The following ADAMTSL1 variants were observed in gnomAD, a reference collection of about 807,000 sequenced individuals.
ADAMTSL1 encodes ADAMTS-like protein 1.
In ADAMTSL1, 126 loss-of-function variants were observed where a neutral mutation model predicts 201.8. That is an observed-to-expected ratio of 0.62 (90% CI 0.54 to 0.72). The LOEUF is 0.72. ADAMTSL1 is among the 30% of genes least tolerant of loss of function. The pLI is 0.00. For synonymous variants in ADAMTSL1, 1,121 were observed against 903.4 expected (o/e 1.24, Z -4.32); for missense variants, 2,679 against 2,277.8 (o/e 1.18, Z -3.59).
At chr9:18,141,555 G>C (rs1255904102) in intron 1 of ADAMTSL1, among the ~76,000 whole-genome samples, 4 of 152,164 alleles carry the variant, frequency 2.6e-5, no homozygotes, top group African/African-American at 9.7e-5. Flanking sequence ...CAGCACAGAG[G>C]TGTCTAGCAC....
At chr9:18,885,869 C>G (rs1193247929) in intron 23 of ADAMTSL1, among the ~76,000 whole-genome samples, 1 of 152,052 alleles carries the variant, frequency 6.6e-6, no homozygotes, top group Middle Eastern at 3.2e-3. Flanking sequence ...GCCTGCCGCA[C>G]AATCTCAGGA....
chr9:18,041,200 C>T (rs1264996714), intron 1 of ADAMTSL1, among the ~76,000 whole-genome samples: 1 of 152,188 alleles, frequency 6.6e-6, no homozygotes, highest in Non-Finnish European at 1.5e-5. Flanking sequence ...CTCATCATCA[C>T]TCTGTAAAGC....
At position 18,721,598 on chromosome 9, in the gene ADAMTSL1, C is replaced by T; in HGVS notation, c.1939C>T (p.Leu647=). 2 of 1,613,990 alleles carry T rather than the reference C, an allele frequency of 1.2e-6. No homozygotes were observed. The highest frequency in any genetic ancestry group is 1.7e-6 in the Non-Finnish European group (2 of 1,179,880). Residue 647 remains leucine (L), a synonymous_variant, in exon 15 of 29, where the codon CTG becomes TTG. Transcript: ENST00000380548. ...GACTCGGGAGCCTGCTGAGGAGAAC[C>T]TGTGCGTGACCAGCCGCCGGCCCCC... ...KQTREPAEEN[L]CVTSRRPPQL... is the part of the protein sequence containing the mutation.
At chr9:18,379,397 T>A (rs575989957) in intron 2 of ADAMTSL1, among the ~76,000 whole-genome samples, 142 of 152,068 alleles carry the variant, frequency 9.3e-4, no homozygotes, top group Non-Finnish European at 1.8e-3. Flanking sequence ...AGCAGTCAGC[T>A]TTTTTTTCCC....
chr9:18,493,997 G>T (rs1822395129), intron 1 of ADAMTSL1, among the ~76,000 whole-genome samples: 3 of 152,214 alleles, frequency 2.0e-5, no homozygotes, highest in African/African-American at 7.2e-5. Flanking sequence ...GTGTAAACAA[G>T]TAACTATACT....
At chr9:18,022,535 G>A (rs771188144) in intron 1 of ADAMTSL1, among the ~76,000 whole-genome samples, 4 of 151,524 alleles carry the variant, frequency 2.6e-5, no homozygotes, top group Non-Finnish European at 4.4e-5. Context: ...TAAAGAAAAC[G>A]TAATGTTATT....
intron 1 of ADAMTSL1, among the ~76,000 whole-genome samples, chr9:17,940,099 T>A (rs1483145760): frequency 2.0e-5 from 3 of 152,100 alleles, no homozygotes; most frequent in Non-Finnish European, 4.4e-5. Flanking sequence ...TAACAAGACA[T>A]AGTCAGGTGG....
chr9:18,463,437 G>A (rs762740288), intron 2 of ADAMTSL1, among the ~76,000 whole-genome samples: 19 of 151,928 alleles, frequency 1.3e-4, no homozygotes, highest in Non-Finnish European at 2.1e-4. Context: ...TAGTACTGTG[G>A]CATTAAGTAT....
chr9:18,545,785 G>C (rs547338585), intron 3 of ADAMTSL1, among the ~76,000 whole-genome samples: 12 of 152,312 alleles, frequency 7.9e-5, no homozygotes, highest in Middle Eastern at 3.4e-3. Flanking sequence ...AATTTAGAAA[G>C]AAATTACTAC....
chr9:18,185,371 A>G (rs11787635), intron 2 of ADAMTSL1, among the ~76,000 whole-genome samples: 52,708 of 151,956 alleles, frequency 0.35, 9,281 homozygotes, highest in Admixed American at 0.42. Context: ...ACTAAGAAGT[A>G]AACACTTCCC....
At chr9:18,661,207 G>C (rs934934685) in intron 8 of ADAMTSL1, among the ~76,000 whole-genome samples, 6 of 152,092 alleles carry the variant, frequency 3.9e-5, no homozygotes, top group Admixed American at 3.3e-4. Flanking sequence ...TTTAAGAGAG[G>C]CTTCTTTAAA....
At chr9:18,318,502 G>T (rs150468957) in intron 2 of ADAMTSL1, among the ~76,000 whole-genome samples, 4 of 152,284 alleles carry the variant, frequency 2.6e-5, no homozygotes, top group Admixed American at 6.5e-5. Flanking sequence ...GACACTGAAG[G>T]TTACAAGATA....
intron 2 of ADAMTSL1, among the ~76,000 whole-genome samples, chr9:18,177,013 C>T (rs879575755): frequency 6.6e-6 from 1 of 152,292 alleles, no homozygotes; most frequent in Non-Finnish European, 1.5e-5. Flanking sequence ...ATTATATTCC[C>T]ACATAGGGCT....
intron 23 of ADAMTSL1, among the ~76,000 whole-genome samples, chr9:18,840,608 T>A (rs932026530): frequency 2.0e-5 from 3 of 152,332 alleles, no homozygotes; most frequent in Non-Finnish European, 2.9e-5. Context: ...TGGCATTGAA[T>A]CTATAAATTA....
At chr9:18,187,825 G>C (rs1421549441) in intron 2 of ADAMTSL1, among the ~76,000 whole-genome samples, 1 of 152,080 alleles carries the variant, frequency 6.6e-6, no homozygotes, top group Non-Finnish European at 1.5e-5. Flanking sequence ...CTAATTCAGA[G>C]ACATATTTTA....
In ADAMTSL1 at chr9:18,886,203, TATATATATAC is replaced by T. The variant is rs1563888262; in HGVS notation, c.4250-1626_4250-1617del. ...ATATATATATATATATATATATATA[TATATATATAC>T]ACACACATACATATACATACATACA... On this transcript the variant is annotated intron_variant, in intron 23 of 28. Transcript: ENST00000380548. Among the ~76,000 whole-genome samples, 537 of 126,424 alleles carry T rather than the reference TATATATATAC, an allele frequency of 4.2e-3. 7 individuals are homozygous for T. Among genetic ancestry groups the T allele is most frequent in the African/African-American group, 0.016 (468 of 28,506 alleles). The allele number at this position is 126,424 out of a possible 152,430, so 82.9% of individuals were successfully genotyped here.
chr9:18,335,068 C>T (rs1044555596), intron 2 of ADAMTSL1, among the ~76,000 whole-genome samples: 3 of 152,066 alleles, frequency 2.0e-5, no homozygotes, highest in South Asian at 2.1e-4. Flanking sequence ...TTACGTAAGG[C>T]ATTATGAAAC....
intron 23 of ADAMTSL1, among the ~76,000 whole-genome samples, chr9:18,877,215 A>G (rs1301728286): frequency 1.3e-5 from 2 of 152,174 alleles, no homozygotes; most frequent in South Asian, 2.1e-4. Context: ...TAACTTAATA[A>G]TTAACATTGT....
rs189744624 is a variant in ADAMTSL1, at chr9:18,766,409, G to A, written c.2218-4193G>A. Among the ~76,000 whole-genome samples, 23 of 152,254 alleles carry A rather than the reference G, an allele frequency of 1.5e-4. No individual in the cohort carries two copies. The East Asian group carries it at 4.4e-3, about 29-fold the overall frequency. On this transcript the variant is annotated intron_variant, in intron 16 of 28. Transcript: ENST00000380548. The stretch of plus-strand genomic sequence containing the variant: ...CTTTGAAAACGTCACTCTTGCTATG[G>A]TGTGGAGAATAGAGTGTAGAGAAGA...
Sources: allele counts gnomAD v4.1 joint callset (sites outside exome capture counted in the v4.1 genomes callset), GRCh38; gene constraint gnomAD v4.1.1; transcripts MANE v1.5; gene names NCBI Gene and HGNC (gene_info 2026-07-23, HGNC 2026-07-21).